The following ASH1L variants were observed in gnomAD, a reference collection of about 807,000 sequenced individuals.
ASH1L encodes ASH1 like histone lysine methyltransferase.
A neutral mutation model predicts 269.0 loss-of-function variants in ASH1L; 23 were observed. The observed-to-expected ratio is 0.09, with a 90% CI of 0.06 to 0.12. The LOEUF (loss-of-function observed/expected upper bound fraction) is 0.12, where lower values mean the gene tolerates loss of function less well. Among genes scored for constraint, ASH1L ranks in the 10% least tolerant of loss-of-function variants. The pLI is 1.00. For missense variants in ASH1L, 2,912 were observed against 3,567.8 expected, an observed-to-expected ratio of 0.82 and a Z score of 4.68; for synonymous variants, 1,187 against 1,253.5, an observed-to-expected ratio of 0.95 and a Z score of 1.12.
intron 12 of ASH1L, among the ~76,000 whole-genome samples, chr1:155,369,391 G>A (rs2148411434): frequency 6.6e-6 from 1 of 151,802 alleles, no homozygotes; most frequent in East Asian, 1.9e-4. Context: ...AGCTTGCAGT[G>A]AGCTGAGATC....
At chr1:155,338,418 T>G in intron 26 of ASH1L, 28 bp from the exon 27 acceptor site, 1 of 1,597,412 alleles carries the variant, frequency 6.3e-7, no homozygotes, top group Non-Finnish European at 8.5e-7. Flanking sequence ...GAATTTAGTG[T>G]AAGACACTTG....
chr1:155,447,100 A>T (rs1476302262), intron 4 of ASH1L, among the ~76,000 whole-genome samples: 5 of 152,206 alleles, frequency 3.3e-5, no homozygotes, highest in Non-Finnish European at 2.9e-5. Flanking sequence ...GCTGAATAGA[A>T]GTAGTGGACA....
chr1:155,411,227 C>A lies in ASH1L; in HGVS notation c.6008+4517G>T, dbSNP rs193046825. Among the ~76,000 whole-genome samples, 15 of 152,186 alleles carry A rather than the reference C, an allele frequency of 9.9e-5. No individual in the cohort carries two copies. In the East Asian group the frequency reaches 2.9e-3, roughly 29 times the overall value. ...TGCTAACAACAAAATAGCCAGCCCA[C>A]AATAATATCCTGGCTTCACATCTTT... On this transcript the variant is annotated intron_variant, in intron 6 of 27. Coordinates refer to ENST00000392403, the MANE Select transcript of ASH1L (RefSeq NM_018489.3).
At chr1:155,400,031 T>G (rs1658697008) in intron 6 of ASH1L, among the ~76,000 whole-genome samples, 2 of 152,130 alleles carry the variant, frequency 1.3e-5, no homozygotes, top group African/African-American at 4.8e-5. Flanking sequence ...TTCAAAGGAA[T>G]CTGGGTAGGG....
intron 2 of ASH1L, among the ~76,000 whole-genome samples, chr1:155,493,999 G>C (rs1222151937): frequency 6.6e-6 from 1 of 152,160 alleles, no homozygotes; most frequent in Non-Finnish European, 1.5e-5. Context: ...TCATTGTAAT[G>C]CATGAGCAAA....
At chr1:155,470,068 C>T (rs972992935) in intron 3 of ASH1L, among the ~76,000 whole-genome samples, 4 of 152,126 alleles carry the variant, frequency 2.6e-5, no homozygotes, top group Non-Finnish European at 2.9e-5. Context: ...CATTATTCTT[C>T]GCTGCTAAAT....
chr1:155,355,239 C>T (rs1265243465), intron 15 of ASH1L, among the ~76,000 whole-genome samples: 2 of 152,254 alleles, frequency 1.3e-5, no homozygotes, highest in South Asian at 2.1e-4. Flanking sequence ...TTAGTAGAGA[C>T]GGGGTTTCCC....
chr1:155,479,365 T>C lies in ASH1L; in HGVS notation c.3505A>G (p.Asn1169Asp). Residue 1169 changes from asparagine to aspartate, a missense_variant, in exon 3 of 28, where the codon AAT (asparagine) becomes GAT (aspartate). By Grantham distance (23) the Asn-to-Asp change is conservative. Transcript: ENST00000392403. ...AGTTCACTCAAGTGCGAAGGAGAAT[T>C]TGGCAACAAAGTAGGAGGAGATAAC... ...RRLSPPTLLP[N>D]SPSHLSELTS... 1 of 1,614,152 alleles carries C rather than the reference T, an allele frequency of 6.2e-7. No individual in the cohort carries two copies. Among genetic ancestry groups the C allele is most frequent in the Non-Finnish European group, 8.5e-7 (1 of 1,180,024 alleles).
intron 2 of ASH1L, among the ~76,000 whole-genome samples, chr1:155,520,719 C>T (rs1259506157): frequency 6.6e-6 from 1 of 151,530 alleles, no homozygotes; most frequent in African/African-American, 2.4e-5. Flanking sequence ...AAAATTAGCT[C>T]GGTGTGGTGG....
chr1:155,410,344 C>G (rs768919330), intron 6 of ASH1L, among the ~76,000 whole-genome samples: 4 of 152,102 alleles, frequency 2.6e-5, no homozygotes, highest in Non-Finnish European at 5.9e-5. Flanking sequence ...TGCTCTGTCA[C>G]CCAGGCTGGA....
rs1662272998 is a variant in ASH1L, at chr1:155,438,425, A to G, written c.5730T>C (p.His1910=). The G allele has an allele frequency of 1.2e-6, 2 of 1,612,524 alleles. No homozygotes were observed. The highest frequency in any genetic ancestry group is 1.3e-5 in the African/African-American group (1 of 74,700). ...VVQSVNLNPE[H]KKGLKRKGWL... The stretch of plus-strand genomic sequence containing the variant: ...AACCTTTTCTCTTCAACCCCTTTTT[A>G]TGTTCTGGGTTCAGATTTACACTCT... Residue 1910 remains histidine, a synonymous_variant, in exon 5 of 28, where the codon CAT becomes CAC. Coordinates refer to ENST00000392403, the MANE Select transcript of ASH1L (RefSeq NM_018489.3).
intron 1 of ASH1L, among the ~76,000 whole-genome samples, chr1:155,534,508 A>G (rs1669915483): frequency 6.6e-6 from 1 of 151,914 alleles, no homozygotes. Flanking sequence ...CATTCAACAA[A>G]TATTTACCAA....
intron 6 of ASH1L, among the ~76,000 whole-genome samples, chr1:155,411,257 A>G (rs978602557): frequency 3.9e-5 from 6 of 152,134 alleles, no homozygotes; most frequent in African/African-American, 4.8e-5. Context: ...ATCTTTCAAG[A>G]ATGCATACAT....
At chr1:155,420,183 G>A (rs1184574196) in intron 5 of ASH1L, among the ~76,000 whole-genome samples, 3 of 151,438 alleles carry the variant, frequency 2.0e-5, no homozygotes, top group East Asian at 1.9e-4. Flanking sequence ...AAATTAGCTG[G>A]GTGTGGTGGC....
chr1:155,548,459 GTT>G (rs1188715374), intron 1 of ASH1L, among the ~76,000 whole-genome samples: 1 of 152,032 alleles, frequency 6.6e-6, no homozygotes, highest in Non-Finnish European at 1.5e-5. Flanking sequence ...GGAGGTGGGG[GTT>G]GCAGTGAACC....
chr1:155,347,553 A>C (rs1653465293), intron 20 of ASH1L, 103 bp downstream of exon 20: 3 of 1,466,096 alleles, frequency 2.0e-6, no homozygotes, highest in South Asian at 1.2e-5. Flanking sequence ...TACAGTTCAT[A>C]AACAGTCTTT....
At chr1:155,552,600 C>T (rs1303357296) in intron 1 of ASH1L, among the ~76,000 whole-genome samples, 5 of 152,088 alleles carry the variant, frequency 3.3e-5, no homozygotes, top group African/African-American at 7.2e-5. Flanking sequence ...GAGCCGAGAT[C>T]GCACCACTGC....
At chr1:155,436,022 G>A (rs1450306076) in intron 5 of ASH1L, among the ~76,000 whole-genome samples, 1 of 152,132 alleles carries the variant, frequency 6.6e-6, no homozygotes, top group Non-Finnish European at 1.5e-5. Context: ...TTGCACTCCA[G>A]GCTGGGTGAC....
intron 2 of ASH1L, among the ~76,000 whole-genome samples, chr1:155,482,843 C>T (rs1175958471): frequency 3.3e-5 from 5 of 152,102 alleles, no homozygotes; most frequent in South Asian, 2.1e-4. Flanking sequence ...ATCCTATGGT[C>T]GTCATCTAAA....
Sources: allele counts gnomAD v4.1 joint callset (sites outside exome capture counted in the v4.1 genomes callset), GRCh38; gene constraint gnomAD v4.1.1; transcripts MANE v1.5; gene names NCBI Gene and HGNC (gene_info 2026-07-23, HGNC 2026-07-21).